The following CD200R1L variants were observed in gnomAD, a reference collection of about 807,000 sequenced individuals.
The protein encoded by CD200R1L is cell surface glycoprotein CD200 receptor 2.
A neutral mutation model predicts 24.8 loss-of-function variants in CD200R1L; 14 were observed. That is an observed-to-expected ratio of 0.56 (90% CI 0.37 to 0.88). The LOEUF (loss-of-function observed/expected upper bound fraction) is 0.88. Ranked by LOEUF, CD200R1L falls within the 40% of genes least tolerant of loss-of-function variation. The pLI is 0.00. For missense variants in CD200R1L, 299 were observed against 297.8 expected (o/e 1.00, Z -0.03); for synonymous variants, 111 against 109.2 (o/e 1.02, Z -0.11).
intron 3 of CD200R1L, 149 bp from the exon 4 acceptor site, chr3:112,829,533 A>C (rs536215478): frequency 2.3e-5 from 30 of 1,297,490 alleles, no homozygotes; most frequent in East Asian, 1.5e-4. Flanking sequence ...AGAAATTAGA[A>C]GTTATGCCAT....
At chr3:112,830,417 A>G (rs1938768050) in intron 3 of CD200R1L, among the ~76,000 whole-genome samples, 1 of 151,508 alleles carries the variant, frequency 6.6e-6, no homozygotes, top group Non-Finnish European at 1.5e-5. Context: ...AATACCCATA[A>G]TGAGTGAGGA....
chr3:112,816,692 TG>T (rs1036202386), intron 7 of CD200R1L, among the ~76,000 whole-genome samples: 3 of 152,194 alleles, frequency 2.0e-5, no homozygotes, highest in African/African-American at 7.2e-5. Flanking sequence ...CCATGTGTTA[TG>T]GAAATCAATT....
At chr3:112,841,006 A>G (rs1259039946) in intron 2 of CD200R1L, among the ~76,000 whole-genome samples, 1 of 152,194 alleles carries the variant, frequency 6.6e-6, no homozygotes. Context: ...CTTAATCCCA[A>G]TCAGGGATCC....
At chr3:112,839,790 C>T (rs1020346547) in intron 2 of CD200R1L, among the ~76,000 whole-genome samples, 17 of 152,146 alleles carry the variant, frequency 1.1e-4, no homozygotes, top group African/African-American at 3.6e-4. Flanking sequence ...AGAAGCAGCC[C>T]TCCCACCCCT....
intron 3 of CD200R1L, 31 bp downstream of exon 3, chr3:112,837,911 A>C (rs1396732103): frequency 1.0e-6 from 1 of 988,972 alleles, no homozygotes; most frequent in African/African-American, 1.8e-5. Context: ...CCCTCCCATC[A>C]AACTGGTTAT....
intron 7 of CD200R1L, among the ~76,000 whole-genome samples, chr3:112,818,175 G>C (rs1225932256): frequency 6.6e-6 from 1 of 152,054 alleles, no homozygotes; most frequent in Non-Finnish European, 1.5e-5. Flanking sequence ...AATAAGAAAA[G>C]TCTTCTTTTA....
intron 3 of CD200R1L, among the ~76,000 whole-genome samples, chr3:112,836,275 C>G (rs1559925224): frequency 1.3e-5 from 2 of 152,218 alleles, no homozygotes; most frequent in Non-Finnish European, 2.9e-5. Context: ...CCTGCACCTC[C>G]CTTCTGCAGC....
chr3:112,843,193 C>G (rs182060262), intron 2 of CD200R1L, among the ~76,000 whole-genome samples: 1 of 152,150 alleles, frequency 6.6e-6, no homozygotes, highest in Non-Finnish European at 1.5e-5. Flanking sequence ...AAGAGGTCAA[C>G]GTGCAAATTT....
intron 3 of CD200R1L, among the ~76,000 whole-genome samples, chr3:112,831,572 A>G (rs1450905201): frequency 6.6e-6 from 1 of 152,238 alleles, no homozygotes; most frequent in Non-Finnish European, 1.5e-5. Flanking sequence ...AGGTAAAGTC[A>G]TACTTGAGCG....
chr3:112,836,140 C>T (rs896832776), intron 3 of CD200R1L, among the ~76,000 whole-genome samples: 7 of 152,202 alleles, frequency 4.6e-5, no homozygotes, highest in Admixed American at 4.6e-4. Context: ...AGGCTCAGTG[C>T]CTGGTAGTGG....
intron 3 of CD200R1L, among the ~76,000 whole-genome samples, chr3:112,831,404 C>T (rs756967354): frequency 2.0e-5 from 3 of 152,066 alleles, no homozygotes; most frequent in African/African-American, 7.2e-5. Flanking sequence ...GCAATGTGTA[C>T]GTGTGTGCAT....
chr3:112,844,694 G>T (rs1437059148), intron 2 of CD200R1L, among the ~76,000 whole-genome samples: 1 of 145,646 alleles, frequency 6.9e-6, no homozygotes, highest in Non-Finnish European at 1.6e-5. Context: ...TGGGAGCTGA[G>T]GGGGGTGGAT....
At chr3:112,826,684 A>T (rs1387714771) in intron 6 of CD200R1L, among the ~76,000 whole-genome samples, 4 of 152,228 alleles carry the variant, frequency 2.6e-5, no homozygotes, top group Admixed American at 2.6e-4. Context: ...TAAAATCAGG[A>T]AGAAAATAGC....
At chr3:112,829,211 C>G in intron 4 of CD200R1L, 108 bp downstream of exon 4, 2 of 798,630 alleles carry the variant, frequency 2.5e-6, no homozygotes, top group South Asian at 1.6e-5. Context: ...TCAACATGTT[C>G]TTCAAGTAGT....
At chr3:112,843,625 C>T (rs1939130548) in intron 2 of CD200R1L, among the ~76,000 whole-genome samples, 1 of 152,140 alleles carries the variant, frequency 6.6e-6, no homozygotes, top group South Asian at 2.1e-4. Context: ...AAGACATAGC[C>T]CTATAAAGAA....
chr3:112,839,746 T>C (rs1283243029), intron 2 of CD200R1L, among the ~76,000 whole-genome samples: 2 of 152,186 alleles, frequency 1.3e-5, no homozygotes, highest in Non-Finnish European at 2.9e-5. Context: ...ACTGAGCACA[T>C]AAAATTTCTA....
intron 7 of CD200R1L, among the ~76,000 whole-genome samples, 155 bp downstream of exon 7, chr3:112,819,617 T>A: frequency 6.6e-6 from 1 of 152,202 alleles, no homozygotes; most frequent in East Asian, 1.9e-4. Flanking sequence ...CTCTCAGTTG[T>A]TAATGATGCC....
intron 2 of CD200R1L, among the ~76,000 whole-genome samples, chr3:112,841,086 C>T (rs1939069135): frequency 6.6e-6 from 1 of 152,064 alleles, no homozygotes; most frequent in Admixed American, 6.6e-5. Flanking sequence ...GTTTGGCTCC[C>T]CACCCAATCT....
In CD200R1L at chr3:112,840,198, G is replaced by A. The variant is rs531213089; in HGVS notation, c.-86-2188C>T. On this transcript the variant is annotated intron_variant, in intron 2 of 7. Transcript: ENST00000488794. Reference sequence around the variant, plus strand: ...CATTAGAAAGGGCTCTGTGTGTGTTGGTCAGTTCTTGCACTGCTATCAAGA... The same window carrying A: ...CATTAGAAAGGGCTCTGTGTGTGTTAGTCAGTTCTTGCACTGCTATCAAGA... Among the ~76,000 whole-genome samples, 3 of 152,248 alleles carry A rather than the reference G, an allele frequency of 2.0e-5. No individual in the cohort carries two copies. The South Asian group carries it at 6.2e-4, about 32-fold the overall frequency.
Sources: allele counts gnomAD v4.1 joint callset (sites outside exome capture counted in the v4.1 genomes callset), GRCh38; gene constraint gnomAD v4.1.1; transcripts MANE v1.5; gene names NCBI Gene and HGNC (gene_info 2026-07-23, HGNC 2026-07-21).